GSE1: variants seen among roughly 807,000 people sequenced by gnomAD.
GSE1 encodes the protein genetic suppressor element 1.
In GSE1, 32 loss-of-function variants were observed where a neutral mutation model predicts 112.6. The ratio of observed to expected loss-of-function variants is 0.28; its 90% CI spans 0.21 to 0.38. The LOEUF is 0.38. Ranked by LOEUF, GSE1 falls within the 10% of genes least tolerant of loss-of-function variation. The pLI is 1.00. For missense variants in GSE1, 2,348 were observed against 1,699.2 expected (o/e 1.38, Z -6.71); for synonymous variants, 1,115 against 735.6 (o/e 1.52, Z -8.35).
At chr16:85,507,888 G>A (rs1174034841) in intron 2 of GSE1, among the ~76,000 whole-genome samples, 1 of 152,206 alleles carries the variant, frequency 6.6e-6, no homozygotes, top group African/African-American at 2.4e-5. Context: ...TTCATCAGAA[G>A]AGTTGCGAGC....
chr16:85,560,779 C>G (rs185466175), intron 1 of GSE1, among the ~76,000 whole-genome samples: 1 of 152,080 alleles, frequency 6.6e-6, no homozygotes, highest in Non-Finnish European at 1.5e-5. Flanking sequence ...GACTGGGTGT[C>G]TCCTTTTTAC....
intron 2 of GSE1, among the ~76,000 whole-genome samples, chr16:85,365,014 T>C (rs1433726685): frequency 5.3e-5 from 8 of 152,238 alleles, no homozygotes; most frequent in Non-Finnish European, 1.0e-4. Flanking sequence ...AGGCCTGTCC[T>C]CAGGCCCCTG....
chr16:85,245,164 GAAACA>G (rs56058703), intron 1 of GSE1, among the ~76,000 whole-genome samples: 19 of 151,492 alleles, frequency 1.3e-4, no homozygotes, highest in South Asian at 6.3e-4. Context: ...CCTGTCTCAA[GAAACA>G]AAACAAAACA....
chr16:85,286,441 T>G (rs1306215898), intron 1 of GSE1, among the ~76,000 whole-genome samples: 4 of 152,236 alleles, frequency 2.6e-5, no homozygotes, highest in Non-Finnish European at 5.9e-5. Context: ...TGTTACTGAA[T>G]CAAGGACTTG....
At chr16:85,289,025 C>T (rs1310920151) in intron 1 of GSE1, among the ~76,000 whole-genome samples, 1 of 152,240 alleles carries the variant, frequency 6.6e-6, no homozygotes, top group Non-Finnish European at 1.5e-5. Flanking sequence ...TCACCTCCAC[C>T]TGCCAGGTCT....
In GSE1 at chr16:85,663,413, C is replaced by G; in HGVS notation, c.2443C>G (p.Arg815Gly). ...GAAGGAGGAATTGGTGGCCCAGAAG[C>G]GGAGGAAGCGGCGGAGGATGCTGCG... ...QQKEELVAQK[R>G]RKRRRMLRER... Residue 815 changes from arginine to glycine, a missense_variant, in exon 11 of 16, where the codon CGG (arginine) becomes GGG (glycine). By Grantham distance (125) the Arg-to-Gly change is moderately radical. Transcript: ENST00000253458. 1 of 1,613,886 alleles carries G rather than the reference C, an allele frequency of 6.2e-7. No homozygotes were observed. The highest frequency in any genetic ancestry group is 8.5e-7 in the Non-Finnish European group (1 of 1,180,018).
At chr16:85,319,581 C>A (rs1179695585) in intron 1 of GSE1, among the ~76,000 whole-genome samples, 1 of 152,222 alleles carries the variant, frequency 6.6e-6, no homozygotes, top group Non-Finnish European at 1.5e-5. Flanking sequence ...TCTGGGCAGA[C>A]ATTATTGCGA....
chr16:85,357,858 C>T (rs1026773617), intron 2 of GSE1, among the ~76,000 whole-genome samples: 2 of 152,144 alleles, frequency 1.3e-5, no homozygotes, highest in African/African-American at 4.8e-5. Context: ...ATCAACATCC[C>T]TGGTTCTCGA....
chr16:85,668,008 G>A (rs557497700), intron 13 of GSE1, 132 bp from the exon 14 acceptor site: 14 of 687,084 alleles, frequency 2.0e-5, no homozygotes, highest in Admixed American at 2.5e-5. Context: ...CTCTCTACGC[G>A]ATGTCATCTT....
intron 13 of GSE1, among the ~76,000 whole-genome samples, chr16:85,666,808 C>A (rs1407965144): frequency 6.6e-6 from 1 of 152,264 alleles, no homozygotes; most frequent in East Asian, 1.9e-4. Flanking sequence ...AAAGATGTCA[C>A]CACCAGCCCT....
intron 1 of GSE1, among the ~76,000 whole-genome samples, chr16:85,257,956 G>C (rs1472977460): frequency 1.9e-4 from 29 of 152,336 alleles, no homozygotes; most frequent in South Asian, 1.7e-3. Context: ...GGGCCTAGGA[G>C]GGCTGGTGTG....
At chr16:85,668,052 C>T (rs546259040) in intron 13 of GSE1, 88 bp from the exon 14 acceptor site, 20 of 1,012,214 alleles carry the variant, frequency 2.0e-5, no homozygotes, top group Middle Eastern at 3.3e-4. Context: ...GTTGACTCTG[C>T]ACCAAGGGCA....
chr16:85,558,725 C>G (rs2045362447), intron 1 of GSE1, among the ~76,000 whole-genome samples: 1 of 152,148 alleles, frequency 6.6e-6, no homozygotes, highest in East Asian at 1.9e-4. Context: ...ATTTAAAGTC[C>G]CCACTGGGGT....
At chr16:85,214,509 C>T (rs147693216) in intron 1 of GSE1, among the ~76,000 whole-genome samples, 10 of 152,118 alleles carry the variant, frequency 6.6e-5, no homozygotes, top group African/African-American at 2.2e-4. Flanking sequence ...AGGAGTCGGC[C>T]CCGGAGCCTT....
upstream of GSE1, among the ~76,000 whole-genome samples, chr16:85,553,314 C>G (rs1441176081): frequency 6.6e-6 from 1 of 150,420 alleles, no homozygotes; most frequent in Non-Finnish European, 1.5e-5. Flanking sequence ...CCGCCGCTGC[C>G]GGCGGGTGCA....
intron 1 of GSE1, among the ~76,000 whole-genome samples, chr16:85,187,657 G>C (rs1440437109): frequency 6.6e-6 from 1 of 152,136 alleles, no homozygotes; most frequent in Non-Finnish European, 1.5e-5. Flanking sequence ...CGGACATCAG[G>C]CCTCGCCCCC....
chr16:85,648,107 C>G (rs1266712637), intron 2 of GSE1, among the ~76,000 whole-genome samples: 1 of 151,864 alleles, frequency 6.6e-6, no homozygotes, highest in East Asian at 1.9e-4. Context: ...CCTGGGATGT[C>G]CACAGGCCCT....
chr16:85,207,606 G>C (rs1012154167), intron 1 of GSE1, among the ~76,000 whole-genome samples: 1 of 152,236 alleles, frequency 6.6e-6, no homozygotes, highest in African/African-American at 2.4e-5. Flanking sequence ...GCAGGCGCTG[G>C]TGTGAGGAGC....
intron 2 of GSE1, among the ~76,000 whole-genome samples, chr16:85,454,330 T>C (rs1355603274): frequency 1.3e-5 from 2 of 152,182 alleles, no homozygotes; most frequent in Non-Finnish European, 2.9e-5. Context: ...GTGGTGGCAG[T>C]GGCCCTGGAG....
Sources: allele counts gnomAD v4.1 joint callset (sites outside exome capture counted in the v4.1 genomes callset), GRCh38; gene constraint gnomAD v4.1.1; transcripts MANE v1.5; gene names NCBI Gene and HGNC (gene_info 2026-07-23, HGNC 2026-07-21).